Variants in MALRD1 observed in about 807,000 individuals in gnomAD.
MALRD1 encodes MAM and LDL-receptor class A domain-containing protein 1.
A neutral mutation model predicts 242.1 loss-of-function variants in MALRD1; 247 were observed. That is an observed-to-expected ratio of 1.02 (90% CI 0.92 to 1.13). The LOEUF is 1.13. Ranked by LOEUF, MALRD1 falls within the 50% of genes most tolerant of loss-of-function variation. The pLI, the probability that MALRD1 is intolerant of heterozygous loss-of-function variation, is 0.00. For missense variants in MALRD1, 2,989 were observed against 2,533.1 expected, an observed-to-expected ratio of 1.18 and a Z score of -3.86; for synonymous variants, 995 against 866.6, an observed-to-expected ratio of 1.15 and a Z score of -2.60.
At chr10:19,284,136 A>G (rs959260134) in intron 21 of MALRD1, among the ~76,000 whole-genome samples, 2 of 152,156 alleles carry the variant, frequency 1.3e-5, no homozygotes, top group Non-Finnish European at 2.9e-5. Context: ...AACAAATGTA[A>G]TATTTTTCTT....
At chr10:19,692,254 C>T in intron 36 of MALRD1, 28 bp from the exon 37 acceptor site, 2 of 1,496,262 alleles carry the variant, frequency 1.3e-6, no homozygotes, top group East Asian at 2.5e-5. Context: ...TTCTTTTTTC[C>T]AACTATTTTA....
intron 21 of MALRD1, among the ~76,000 whole-genome samples, chr10:19,291,751 TAAGA>T (rs756619534): frequency 6.6e-6 from 1 of 150,936 alleles, no homozygotes; most frequent in Non-Finnish European, 1.5e-5. Flanking sequence ...AAAAACAAAA[TAAGA>T]AAGAAAAATT....
intron 22 of MALRD1, among the ~76,000 whole-genome samples, chr10:19,326,679 C>T (rs568310091): frequency 6.6e-6 from 1 of 151,506 alleles, no homozygotes; most frequent in Non-Finnish European, 1.5e-5. Flanking sequence ...TTTTCTATGA[C>T]TCTGGAAACT....
chr10:19,519,078 C>G (rs1193084835), intron 31 of MALRD1, among the ~76,000 whole-genome samples: 2 of 151,948 alleles, frequency 1.3e-5, no homozygotes, highest in African/African-American at 4.8e-5. Context: ...CTAGAAATAT[C>G]CTCTTCATGT....
At chr10:19,607,753 A>G (rs1838706152) in intron 34 of MALRD1, 24 bp from the exon 35 acceptor site, 3 of 1,542,580 alleles carry the variant, frequency 1.9e-6, no homozygotes, top group South Asian at 1.2e-5. Flanking sequence ...GGCATCCCTG[A>G]TCATTATTCT....
In MALRD1 at chr10:19,323,933, T is replaced by TA. The variant is rs2130895522; in HGVS notation, c.3420-13dup. 9.7e-6 allele frequency: 15 copies of TA among 1,550,128 alleles called. No homozygotes were observed. The highest frequency in any genetic ancestry group is 1.3e-5 in the Non-Finnish European group (15 of 1,146,468). ...GCCTCTTATTCCTTTTATAATATGA[T>TA]AAATTCCTTTTCCAGAAATACCACT... On this transcript the variant is annotated splice_polypyrimidine_tract_variant and intron_variant, in intron 21 of 39. Coordinates refer to ENST00000454679, the MANE Select transcript of MALRD1 (RefSeq NM_001142308.3).
intron 36 of MALRD1, among the ~76,000 whole-genome samples, chr10:19,629,744 A>G (rs989323373): frequency 1.3e-5 from 2 of 152,148 alleles, no homozygotes; most frequent in Admixed American, 1.3e-4. Context: ...CTGACAAAAA[A>G]GTTATTCCTC....
chr10:19,650,954 A>G (rs1215212713), intron 36 of MALRD1, among the ~76,000 whole-genome samples: 1 of 152,180 alleles, frequency 6.6e-6, no homozygotes, highest in Non-Finnish European at 1.5e-5. Flanking sequence ...AGAATGCATC[A>G]GGAGTGGTTT....
chr10:19,574,413 T>A (rs16919091), intron 33 of MALRD1, among the ~76,000 whole-genome samples: 4,432 of 152,304 alleles, frequency 0.029, 201 homozygotes, highest in African/African-American at 0.1. Flanking sequence ...ATATGTTATA[T>A]GGCACCTCTC....
chr10:19,441,176 C>T (rs1037619607), intron 28 of MALRD1, among the ~76,000 whole-genome samples: 1 of 152,114 alleles, frequency 6.6e-6, no homozygotes, highest in African/African-American at 2.4e-5. Context: ...CCTTTGCCCA[C>T]TTTTTGATGG....
rs902101595 is a variant in MALRD1 at position 19,331,399 on chromosome 10, T to A, written c.3718T>A (p.Tyr1240Asn). ...IVFRAKRGISYIGDVAVDDIS... is the reference protein window; with the variant it reads ...IVFRAKRGISNIGDVAVDDIS... ...CTTCAGAGCCAAACGTGGTATCAGT[T>A]ACATAGGAGATGTAGCAGTGGATGA... Residue 1240 changes from tyrosine to asparagine, a missense_variant, in exon 24 of 40, where the codon TAC becomes AAC. Transcript: ENST00000454679. The A allele has an allele frequency of 6.4e-7, 1 of 1,550,492 alleles. No individual in the cohort carries two copies. Among genetic ancestry groups the A allele is most frequent in the African/African-American group, 1.4e-5 (1 of 73,010 alleles).
Position 19,246,973 on chromosome 10 carries a change from A to C in MALRD1, c.2992-10711A>C, listed in dbSNP as rs147826026. Among the ~76,000 whole-genome samples the C allele has an allele frequency of 8.5e-3, 1,295 of 152,138 alleles. 15 individuals carry two copies. Among genetic ancestry groups the C allele is most frequent in the African/African-American group, 0.03 (1,226 of 41,510 alleles). On this transcript the variant is annotated intron_variant, in intron 18 of 39. Transcript: ENST00000454679. ...TCTTTTTTCTTTAGTTGTATGACTTACTGCCATCAAAAATCCCATTATACA... is the reference window on the plus strand; with the variant it reads ...TCTTTTTTCTTTAGTTGTATGACTTCCTGCCATCAAAAATCCCATTATACA...
At chr10:19,099,332 C>T (rs960534189) in intron 4 of MALRD1, among the ~76,000 whole-genome samples, 2 of 152,198 alleles carry the variant, frequency 1.3e-5, no homozygotes, top group South Asian at 4.1e-4. Context: ...TTCTTTCTAG[C>T]TCCTGTATCA....
At position 19,156,465 on chromosome 10, in the gene MALRD1, T is replaced by G. The variant is rs922898582; in HGVS notation, c.1656+1293T>G. ...AAGAGAAAGATAGATATAGAGCGTT[T>G]TTTTTTTTTTTTTTGAGGGGAAACT... is the stretch of plus-strand genomic sequence containing the variant. On this transcript the variant is annotated intron_variant, in intron 12 of 39. Transcript: ENST00000454679. Among the ~76,000 whole-genome samples, 5 of 133,246 alleles carry G rather than the reference T, an allele frequency of 3.8e-5. No homozygotes were observed. The South Asian group carries it at 8.8e-4, about 23-fold the overall frequency. 87.4% of individuals were successfully genotyped at this position (133,246 alleles called of 152,430 possible). A position where few individuals can be genotyped will look rare whatever the true frequency, so the allele number is the denominator to read the frequency against.
At chr10:19,209,161 C>A in intron 17 of MALRD1, 107 bp from the exon 18 acceptor site, 1 of 1,047,720 alleles carries the variant, frequency 9.5e-7, no homozygotes, top group Non-Finnish European at 1.3e-6. Context: ...CTTACCTTGG[C>A]ATGAGCAAAG....
chr10:19,491,540 C>G lies in MALRD1; in HGVS notation c.5053C>G (p.Pro1685Ala). 5 of 1,550,008 alleles carry G rather than the reference C, an allele frequency of 3.2e-6. No homozygotes were observed. The highest frequency in any genetic ancestry group is 2.4e-5 in the East Asian group (1 of 40,884). The part of the protein sequence containing the change: ...TTVGEISELC[P>A]EITDFLCRDK... The stretch of plus-strand genomic sequence containing the variant: ...AGTGGGAGAGATCTCTGAGCTTTGT[C>G]CGGAAATCACTGATTTTTTGTGCCG... The change falls in exon 30 of 40, where the codon CCG becomes GCG. Residue 1685 changes from proline to alanine, a missense_variant. Coordinates refer to ENST00000454679, the MANE Select transcript of MALRD1 (RefSeq NM_001142308.3).
At chr10:19,731,492 T>TTGTG (rs199973822) in intron 39 of MALRD1, among the ~76,000 whole-genome samples, 320 of 146,982 alleles carry the variant, frequency 2.2e-3, no homozygotes, top group East Asian at 3.6e-3. Context: ...ATAGTTTACT[T>TTGTG]TGTGTGTGTG....
intron 28 of MALRD1, among the ~76,000 whole-genome samples, chr10:19,395,766 G>A (rs1251804103): frequency 6.6e-6 from 1 of 152,098 alleles, no homozygotes; most frequent in Non-Finnish European, 1.5e-5. Context: ...GGAGAACATG[G>A]CAATAATTAT....
intron 21 of MALRD1, among the ~76,000 whole-genome samples, chr10:19,306,020 A>ATATAC (rs1400532926): frequency 1.8e-5 from 2 of 112,314 alleles, no homozygotes; most frequent in Non-Finnish European, 3.4e-5. Flanking sequence ...TATATATTAT[A>ATATAC]TATACTATAC....
Sources: gnomAD v4.1 joint callset for allele counts (sites outside exome capture counted in the v4.1 genomes callset) on GRCh38, gnomAD v4.1.1 for gene constraint, MANE v1.5 for transcripts, NCBI Gene and HGNC (gene_info 2026-07-23, HGNC 2026-07-21) for gene names.